The following RIN2 variants were observed in gnomAD, a reference collection of about 807,000 sequenced individuals.
RIN2 encodes RAB5 interacting protein 2.
In RIN2, 36 loss-of-function variants were observed where a neutral mutation model predicts 78.0. The ratio of observed to expected loss-of-function variants is 0.46; its 90% CI spans 0.35 to 0.61. The LOEUF (loss-of-function observed/expected upper bound fraction) is 0.61. Among genes scored for constraint, RIN2 ranks in the 20% least tolerant of loss-of-function variants. RIN2 has a pLI of 0.00. For synonymous variants in RIN2, 466 were observed against 466.8 expected (o/e 1.00, Z 0.02); for missense variants, 1,087 against 1,159.7 (o/e 0.94, Z 0.91).
intron 6 of RIN2, among the ~76,000 whole-genome samples, chr20:19,964,296 G>A (rs2041866708): frequency 6.6e-6 from 1 of 151,644 alleles, no homozygotes; most frequent in Non-Finnish European, 1.5e-5. Flanking sequence ...AAAAAAGAGA[G>A]ATGTAGTCTC....
chr20:19,763,837 A>G (rs944551164), intron 1 of RIN2, among the ~76,000 whole-genome samples: 5 of 152,202 alleles, frequency 3.3e-5, no homozygotes, highest in Admixed American at 3.3e-4. Context: ...AAACCATCCT[A>G]AGAGTGATTT....
chr20:19,909,624 A>C (rs429007), intron 3 of RIN2, among the ~76,000 whole-genome samples: 106,154 of 152,144 alleles, frequency 0.7, 38,207 homozygotes, highest in East Asian at 0.96. Flanking sequence ...TGTGGGCATC[A>C]TCATGCTGGT....
chr20:19,982,999 A>G (rs1478504513), intron 9 of RIN2, among the ~76,000 whole-genome samples: 1 of 152,216 alleles, frequency 6.6e-6, no homozygotes, highest in Non-Finnish European at 1.5e-5. Flanking sequence ...CTCCCCAGTC[A>G]GTGCTTCCTG....
intron 2 of RIN2, among the ~76,000 whole-genome samples, chr20:19,863,713 C>T (rs557274550): frequency 1.3e-5 from 2 of 152,332 alleles, no homozygotes; most frequent in Non-Finnish European, 1.5e-5. Flanking sequence ...TTGGGGTTTG[C>T]TTCTGGGAGA....
At chr20:19,893,838 C>T (rs1454099521) in intron 3 of RIN2, among the ~76,000 whole-genome samples, 1 of 152,096 alleles carries the variant, frequency 6.6e-6, no homozygotes, top group East Asian at 1.9e-4. Context: ...TTTGGGAGGG[C>T]AAGGTGGGCA....
chr20:19,791,539 G>A (rs1037766153), intron 1 of RIN2, among the ~76,000 whole-genome samples: 3 of 152,188 alleles, frequency 2.0e-5, no homozygotes, highest in Non-Finnish European at 2.9e-5. Flanking sequence ...TAAAATTACA[G>A]TAACATGACT....
intron 1 of RIN2, among the ~76,000 whole-genome samples, chr20:19,767,796 G>T (rs777236065): frequency 1.3e-5 from 2 of 151,690 alleles, no homozygotes; most frequent in Non-Finnish European, 2.9e-5. Context: ...GTGGTGGCAG[G>T]TGCCCATAAT....
chr20:19,893,511 T>G (rs890668262), intron 3 of RIN2, among the ~76,000 whole-genome samples: 2 of 152,150 alleles, frequency 1.3e-5, no homozygotes, highest in Non-Finnish European at 2.9e-5. Context: ...CACTAGTAGT[T>G]AGCACTACTA....
chr20:19,823,728 C>A, intron 2 of RIN2: 1 of 1,590,446 alleles, frequency 6.3e-7, no homozygotes. Flanking sequence ...AAGGCACCAC[C>A]TCAATCTGGG....
intron 2 of RIN2, among the ~76,000 whole-genome samples, chr20:19,851,078 AAGGAAGGT>A (rs1483124641): frequency 6.0e-5 from 9 of 151,132 alleles, no homozygotes; most frequent in African/African-American, 2.2e-4. Flanking sequence ...GGAAGGAAGG[AAGGAAGGT>A]AGGAAGGAAG....
intron 11 of RIN2, among the ~76,000 whole-genome samples, chr20:19,995,914 G>A (rs2042947062): frequency 6.6e-6 from 1 of 152,130 alleles, no homozygotes; most frequent in African/African-American, 2.4e-5. Flanking sequence ...CTGGACTGAT[G>A]GAGGGGATAC....
chr20:19,919,949 A>G (rs2039842132), intron 3 of RIN2, among the ~76,000 whole-genome samples: 1 of 152,198 alleles, frequency 6.6e-6, no homozygotes, highest in Non-Finnish European at 1.5e-5. Context: ...GAAAACACCA[A>G]TGCTAAAACT....
chr20:19,962,442 G>A (rs1332079013), intron 6 of RIN2, among the ~76,000 whole-genome samples: 2 of 152,204 alleles, frequency 1.3e-5, no homozygotes, highest in Non-Finnish European at 2.9e-5. Context: ...TTCCAGAAGT[G>A]TGGGCAATGT....
intron 2 of RIN2, chr20:19,889,283 G>A (rs1237467311): frequency 9.0e-7 from 1 of 1,110,164 alleles, no homozygotes; most frequent in African/African-American, 1.6e-5. Context: ...TCAGCAGGAG[G>A]TGAAACACAC....
intron 2 of RIN2, among the ~76,000 whole-genome samples, chr20:19,839,016 C>G (rs535120812): frequency 7.9e-5 from 12 of 152,264 alleles, no homozygotes; most frequent in African/African-American, 2.6e-4. Flanking sequence ...TGATTGGGAA[C>G]AGGATTCCAG....
intron 2 of RIN2, among the ~76,000 whole-genome samples, chr20:19,850,903 T>C (rs1488083966): frequency 6.6e-6 from 1 of 151,282 alleles, no homozygotes; most frequent in African/African-American, 2.4e-5. Flanking sequence ...GAACCTGGGA[T>C]GCAGAAATTG....
chr20:19,960,584 A>C, intron 5 of RIN2, 116 bp from the exon 6 acceptor site: 1 of 771,142 alleles, frequency 1.3e-6, no homozygotes, highest in Non-Finnish European at 2.2e-6. Flanking sequence ...TCCTGCAGGG[A>C]GCCATGCAGT....
At chr20:19,762,937 G>T (rs1361129140) in intron 1 of RIN2, among the ~76,000 whole-genome samples, 1 of 151,886 alleles carries the variant, frequency 6.6e-6, no homozygotes, top group African/African-American at 2.4e-5. Flanking sequence ...CTAATTTTTT[G>T]TATTTTTAGT....
intron 3 of RIN2, among the ~76,000 whole-genome samples, chr20:19,930,738 TTC>T (rs2040408853): frequency 6.6e-6 from 1 of 152,194 alleles, no homozygotes; most frequent in South Asian, 2.1e-4. Context: ...GTGGTGGGGC[TTC>T]AGCAGACGTA....
Sources: allele counts gnomAD v4.1 joint callset (sites outside exome capture counted in the v4.1 genomes callset), GRCh38; gene constraint gnomAD v4.1.1; transcripts MANE v1.5; gene names NCBI Gene and HGNC (gene_info 2026-07-23, HGNC 2026-07-21).